NFIB: variants seen among roughly 807,000 people sequenced by gnomAD.
NFIB encodes nuclear factor 1 B-type.
NFIB carries 11 observed loss-of-function variants against 61.5 expected under a neutral mutation model. That is an observed-to-expected ratio of 0.18 (90% CI 0.11 to 0.30). The LOEUF (loss-of-function observed/expected upper bound fraction) is 0.30, where lower values mean the gene tolerates loss of function less well. NFIB is among the 10% of genes least tolerant of loss of function. The pLI, the probability that NFIB is intolerant of heterozygous loss-of-function variation, is 1.00. For synonymous variants in NFIB, 260 were observed against 216.5 expected, an observed-to-expected ratio of 1.20 and a Z score of -1.76; for missense variants, 471 against 608.9, an observed-to-expected ratio of 0.77 and a Z score of 2.38.
At chr9:14,353,139 C>T (rs908317116) in intron 1 of NFIB, among the ~76,000 whole-genome samples, 1 of 152,062 alleles carries the variant, frequency 6.6e-6, no homozygotes, top group African/African-American at 2.4e-5. Context: ...CAGCCTGTCC[C>T]TTTGGGTAGG....
chr9:14,151,869 G>A (rs1015336307), intron 4 of NFIB, among the ~76,000 whole-genome samples: 7 of 152,042 alleles, frequency 4.6e-5, no homozygotes, highest in African/African-American at 1.7e-4. Context: ...CTAAGCATAC[G>A]TGGTCTACTT....
rs111538365 is a variant in NFIB, at chr9:14,354,315, A to C, written c.108+44209T>G. On this transcript the variant is annotated intron_variant, in intron 1 of 8. Coordinates refer to the NFIB transcript ENST00000380934. ...CCTTTTGTGGAGCCTCCTGCAAGAA[A>C]GCTGCAGAGTGAACAGGGCTTCAGT... Among the ~76,000 whole-genome samples, 950 of 152,344 alleles carry C rather than the reference A, an allele frequency of 6.2e-3. 2 individuals carry two copies. The highest frequency in any genetic ancestry group is 0.017 in the Middle Eastern group (5 of 294).
At chr9:14,473,113 A>C in the NFIB span, among the ~76,000 whole-genome samples, 1 of 152,188 alleles carries the variant, frequency 6.6e-6, no homozygotes, top group Non-Finnish European at 1.5e-5. Flanking sequence ...TCTAGAGGTG[A>C]AGGAATGGAC....
At chr9:14,187,047 G>A (rs78280222) in intron 2 of NFIB, among the ~76,000 whole-genome samples, 9,911 of 146,630 alleles carry the variant, frequency 0.068, 691 homozygotes, top group South Asian at 0.28. Flanking sequence ...GTGTGTGTGT[G>A]TGTGTGTGTG....
Position 14,084,298 on chromosome 9 carries a change from A to T in NFIB, c.*4011T>A, listed in dbSNP as rs537533907. On this transcript the variant is annotated 3_prime_UTR_variant, in exon 11 of 11. Transcript: ENST00000380953. Reference sequence around the variant, plus strand: ...TTTACAAACATGGGAATTTTAATTTAAAAAAAATTCTTAACAAAACTATAC... The same window carrying T: ...TTTACAAACATGGGAATTTTAATTTTAAAAAAATTCTTAACAAAACTATAC... 3.9e-5 allele frequency: 8 copies of T among 204,762 alleles called. No individual in the cohort carries two copies. The highest frequency in any genetic ancestry group is 1.1e-4 in the African/African-American group (5 of 43,780). The allele number at this position is 204,762 out of a possible 1,614,324, so 12.7% of individuals were successfully genotyped here. A position where few individuals can be genotyped will look rare whatever the true frequency, so the allele number is the denominator to read the frequency against.
chr9:14,424,312 G>A, the NFIB span, among the ~76,000 whole-genome samples: 36 of 152,282 alleles, frequency 2.4e-4, no homozygotes, highest in African/African-American at 7.5e-4. Context: ...TTCCATTGCT[G>A]TATTCTGCAG....
the NFIB span, among the ~76,000 whole-genome samples, chr9:14,491,498 G>A: frequency 6.6e-6 from 1 of 152,236 alleles, no homozygotes; most frequent in Non-Finnish European, 1.5e-5. Context: ...AAGACAGACA[G>A]TAGAAGATAG....
intron 6 of NFIB, among the ~76,000 whole-genome samples, chr9:14,127,603 T>C (rs1248175260): frequency 6.6e-6 from 1 of 152,164 alleles, no homozygotes; most frequent in Non-Finnish European, 1.5e-5. Flanking sequence ...TTATCACACA[T>C]ACAAAATGTA....
intron 1 of NFIB, among the ~76,000 whole-genome samples, chr9:14,335,553 T>C (rs1263236234): frequency 1.3e-5 from 2 of 152,252 alleles, no homozygotes; most frequent in Non-Finnish European, 2.9e-5. Flanking sequence ...GTTTTCTTAC[T>C]GAATTTTTAA....
chr9:14,384,690 T>C (rs1277301748), intron 1 of NFIB, among the ~76,000 whole-genome samples: 11 of 152,214 alleles, frequency 7.2e-5, no homozygotes, highest in Non-Finnish European at 1.5e-5. Context: ...AGTCACCTCA[T>C]TGATTTATAA....
intron 1 of NFIB, among the ~76,000 whole-genome samples, chr9:14,319,203 A>C (rs2060608404): frequency 6.6e-6 from 1 of 152,078 alleles, no homozygotes; most frequent in Admixed American, 6.5e-5. Flanking sequence ...AAAAAAAAAA[A>C]AGCATCCCAC....
the NFIB span, among the ~76,000 whole-genome samples, chr9:14,490,819 T>A: frequency 6.6e-6 from 1 of 152,190 alleles, no homozygotes; most frequent in African/African-American, 2.4e-5. Flanking sequence ...CTGGTAGGAA[T>A]GTACACCACT....
chr9:14,188,531 G>A (rs1180565182), intron 2 of NFIB, among the ~76,000 whole-genome samples: 7 of 152,172 alleles, frequency 4.6e-5, no homozygotes, highest in African/African-American at 1.7e-4. Context: ...TATGAAGATT[G>A]CATATTTGTT....
chr9:14,438,095 G>C, the NFIB span, among the ~76,000 whole-genome samples: 1 of 151,246 alleles, frequency 6.6e-6, no homozygotes. Flanking sequence ...AGATTGGTGG[G>C]GGGTAGATGA....
rs904093587 is a variant in NFIB at position 14,087,598 on chromosome 9, CT to C, written c.*710del. 1 of 212,594 alleles carries C rather than the reference CT, an allele frequency of 4.7e-6. No individual in the cohort carries two copies. Among genetic ancestry groups the C allele is most frequent in the Non-Finnish European group, 9.3e-6 (1 of 107,698 alleles). 13.2% of individuals were successfully genotyped at this position (212,594 alleles called of 1,614,324 possible). On this transcript the variant is annotated 3_prime_UTR_variant, in exon 11 of 11. Coordinates refer to ENST00000380953, the MANE Select transcript of NFIB (RefSeq NM_001190737.2). ...TTTTTTCCTTTTTTTTTCATTTTTT[CT>C]TTTTTTAAGATTTCAAACTGGGTTA...
intron 1 of NFIB, among the ~76,000 whole-genome samples, chr9:14,389,163 T>C (rs1048245367): frequency 1.3e-5 from 2 of 152,206 alleles, no homozygotes; most frequent in Admixed American, 1.3e-4. Flanking sequence ...GTGAACACAA[T>C]TGTGTGTAAC....
chr9:14,364,563 A>G (rs1228355080), intron 1 of NFIB, among the ~76,000 whole-genome samples: 1 of 152,238 alleles, frequency 6.6e-6, no homozygotes, highest in East Asian at 1.9e-4. Flanking sequence ...ATAACAACAC[A>G]TTTCATCTTA....
chr9:14,367,407 C>G (rs181538208), intron 1 of NFIB, among the ~76,000 whole-genome samples: 153 of 151,642 alleles, frequency 1.0e-3, no homozygotes, highest in Non-Finnish European at 7.2e-4. Flanking sequence ...GGAAGACATG[C>G]CAAGCAGAGG....
At chr9:14,303,799 G>A (rs1054961944) in intron 2 of NFIB, among the ~76,000 whole-genome samples, 7 of 152,248 alleles carry the variant, frequency 4.6e-5, no homozygotes, top group African/African-American at 1.7e-4. Context: ...AAACAAAATG[G>A]CGGTTCTTGT....
Sources: gnomAD v4.1 joint callset for allele counts (sites outside exome capture counted in the v4.1 genomes callset) on GRCh38, gnomAD v4.1.1 for gene constraint, MANE v1.5 for transcripts, NCBI Gene and HGNC (gene_info 2026-07-23, HGNC 2026-07-21) for gene names.